KCNN2: variants seen among roughly 807,000 people sequenced by gnomAD.
KCNN2 encodes the protein small conductance calcium-activated potassium channel protein 2.
A neutral mutation model predicts 55.5 loss-of-function variants in KCNN2; 24 were observed. The ratio of observed to expected loss-of-function variants is 0.43; its 90% confidence interval spans 0.31 to 0.61. KCNN2 has a LOEUF of 0.61. KCNN2 is among the 20% of genes least tolerant of loss of function. KCNN2 has a pLI of 0.08. For synonymous variants in KCNN2, 431 were observed against 336.1 expected (o/e 1.28, Z -3.09); for missense variants, 754 against 853.6 (o/e 0.88, Z 1.45).
chr5:114,363,887 C>G lies in KCNN2; in HGVS notation c.1123-19C>G. 6.3e-7 allele frequency: 1 copy of G among 1,598,102 alleles called. No homozygotes were observed. Among genetic ancestry groups the G allele is most frequent in the African/African-American group, 1.3e-5 (1 of 74,720 alleles). On this transcript the variant is annotated intron_variant, in intron 1 of 7. Coordinates refer to ENST00000673685, the MANE Select transcript of KCNN2 (RefSeq NM_021614.4). Reference sequence around the variant, plus strand: ...AAGTGCTTCTTTCTTAAAAGTGCTTCTGTCTGACTGTGTTGCAGGCGTCGC... The same window carrying G: ...AAGTGCTTCTTTCTTAAAAGTGCTTGTGTCTGACTGTGTTGCAGGCGTCGC...
chr5:114,346,330 C>T (rs575074311), intron 2 of KCNN2, among the ~76,000 whole-genome samples: 1 of 152,246 alleles, frequency 6.6e-6, no homozygotes, highest in South Asian at 2.1e-4. Context: ...TTGGCAGGGA[C>T]ATAGATACAA....
At chr5:114,112,283 A>G (rs1185472156) in intron 1 of KCNN2, among the ~76,000 whole-genome samples, 1 of 152,052 alleles carries the variant, frequency 6.6e-6, no homozygotes, top group African/African-American at 2.4e-5. Context: ...AACAATGAGA[A>G]CACATGGACA....
intron 1 of KCNN2, among the ~76,000 whole-genome samples, chr5:114,119,741 A>G (rs1751788349): frequency 6.6e-6 from 1 of 152,160 alleles, no homozygotes; most frequent in South Asian, 2.1e-4. Flanking sequence ...CTGATATTTG[A>G]AAATCGCATA....
intron 1 of KCNN2, among the ~76,000 whole-genome samples, chr5:114,085,525 G>A (rs569503640): frequency 6.6e-6 from 1 of 151,836 alleles, no homozygotes; most frequent in South Asian, 2.1e-4. Context: ...ATTCACTTTT[G>A]TATATAACCT....
intron 2 of KCNN2, among the ~76,000 whole-genome samples, chr5:114,317,837 C>A (rs1195024407): frequency 6.6e-6 from 1 of 152,188 alleles, no homozygotes; most frequent in Admixed American, 6.5e-5. Flanking sequence ...GCAAAATGGG[C>A]ATGTTTCTTA....
chr5:114,199,693 C>CCAGT (rs1753633034), intron 1 of KCNN2, among the ~76,000 whole-genome samples: 2 of 152,000 alleles, frequency 1.3e-5, no homozygotes, highest in South Asian at 4.2e-4. Context: ...TCCTGTAGGA[C>CCAGT]CAGTTTTCTG....
chr5:114,173,108 G>T (rs11950333), intron 1 of KCNN2, among the ~76,000 whole-genome samples: 433 of 151,998 alleles, frequency 2.8e-3, no homozygotes, highest in African/African-American at 0.01. Flanking sequence ...TTTAATTTTT[G>T]TATATGGCAA....
intron 1 of KCNN2, among the ~76,000 whole-genome samples, chr5:114,136,546 A>G (rs912558171): frequency 2.0e-5 from 3 of 152,358 alleles, no homozygotes; most frequent in African/African-American, 7.2e-5. Context: ...TTCATGCTGG[A>G]CAGTGGAACC....
At chr5:114,441,549 T>G (rs188406844) in intron 3 of KCNN2, among the ~76,000 whole-genome samples, 1 of 152,322 alleles carries the variant, frequency 6.6e-6, no homozygotes, top group Admixed American at 6.5e-5. Context: ...AAACATACTG[T>G]TAGTCTTCCC....
intron 2 of KCNN2, among the ~76,000 whole-genome samples, chr5:114,243,203 G>A (rs963480424): frequency 2.0e-5 from 3 of 152,058 alleles, no homozygotes; most frequent in African/African-American, 7.2e-5. Flanking sequence ...AGAGTTAAGA[G>A]GAAAGAAAAA....
At chr5:114,105,556 A>G (rs144543480) in intron 1 of KCNN2, among the ~76,000 whole-genome samples, 1 of 152,094 alleles carries the variant, frequency 6.6e-6, no homozygotes, top group Admixed American at 6.6e-5. Context: ...CTTTGCTTCC[A>G]TTTATAACAA....
intron 2 of KCNN2, among the ~76,000 whole-genome samples, chr5:114,364,658 C>T (rs565629097): frequency 3.3e-5 from 5 of 150,184 alleles, no homozygotes; most frequent in South Asian, 2.1e-4. Context: ...TTAAATGCAG[C>T]CAGGAGCTCT....
At chr5:114,237,256 TCACACACACACACACACACA>T (rs10643853) in intron 2 of KCNN2, among the ~76,000 whole-genome samples, 1 of 138,510 alleles carries the variant, frequency 7.2e-6, no homozygotes, top group Non-Finnish European at 1.5e-5. Flanking sequence ...TTGTCAAAAT[TCACACACACACACACACACA>T]CACACACACA....
chr5:114,197,867 T>G (rs1399204169), intron 1 of KCNN2, among the ~76,000 whole-genome samples: 1 of 152,170 alleles, frequency 6.6e-6, no homozygotes, highest in East Asian at 1.9e-4. Flanking sequence ...TGCCACAGAT[T>G]CTTACTTTTC....
chr5:114,250,734 A>G (rs1022454141), intron 2 of KCNN2, among the ~76,000 whole-genome samples: 2 of 152,170 alleles, frequency 1.3e-5, no homozygotes, highest in African/African-American at 4.8e-5. Flanking sequence ...TGAGCCGTCT[A>G]TGGTCTATTT....
intron 2 of KCNN2, among the ~76,000 whole-genome samples, chr5:114,349,591 A>G (rs1160404356): frequency 6.6e-6 from 1 of 152,052 alleles, no homozygotes; most frequent in East Asian, 1.9e-4. Flanking sequence ...AAACACTCTG[A>G]TCCCAAGCAT....
At chr5:114,317,951 G>A (rs1226350115) in intron 2 of KCNN2, among the ~76,000 whole-genome samples, 1 of 152,228 alleles carries the variant, frequency 6.6e-6, no homozygotes, top group African/African-American at 2.4e-5. Flanking sequence ...ATAAGGGACT[G>A]GGAGGGGGCA....
At chr5:114,149,628 T>C (rs920867695) in intron 1 of KCNN2, among the ~76,000 whole-genome samples, 1 of 150,068 alleles carries the variant, frequency 6.7e-6, no homozygotes, top group African/African-American at 2.5e-5. Flanking sequence ...TTCTTTAACA[T>C]AACATCTGTA....
chr5:114,158,180 A>C (rs981712116), intron 1 of KCNN2, among the ~76,000 whole-genome samples: 2 of 152,138 alleles, frequency 1.3e-5, no homozygotes, highest in African/African-American at 4.8e-5. Context: ...TAATTTTTGT[A>C]TAAGGTGTAA....
Sources: allele counts gnomAD v4.1 joint callset (sites outside exome capture counted in the v4.1 genomes callset), GRCh38; gene constraint gnomAD v4.1.1; transcripts MANE v1.5; gene names NCBI Gene and HGNC (gene_info 2026-07-23, HGNC 2026-07-21).